The following TSSK4 variants were observed in gnomAD, a reference collection of about 807,000 sequenced individuals.
TSSK4 encodes the protein testis-specific serine/threonine-protein kinase 4.
A neutral mutation model predicts 28.5 loss-of-function variants in TSSK4; 22 were observed. That is an observed-to-expected ratio of 0.77 (90% CI 0.55 to 1.10). The LOEUF (loss-of-function observed/expected upper bound fraction) is 1.10, where lower values mean the gene tolerates loss of function less well. Ranked by LOEUF, TSSK4 falls within the 50% of genes least tolerant of loss-of-function variation. The pLI is 0.00. For synonymous variants in TSSK4, 151 were observed against 158.3 expected (o/e 0.95, Z 0.35); for missense variants, 329 against 415.4 (o/e 0.79, Z 1.81).
chr14:24,208,248 A>G lies in TSSK4; in HGVS notation c.*102A>G, dbSNP rs2039556448. ...ATCTAAGTCTGATTTAGTTTCATCAACTAGGGTCAAAGACATTCTTTTCTC... is the reference window on the plus strand; with the variant it reads ...ATCTAAGTCTGATTTAGTTTCATCAGCTAGGGTCAAAGACATTCTTTTCTC... On this transcript the variant is annotated 3_prime_UTR_variant, in exon 4 of 4. Coordinates refer to ENST00000339917, the MANE Select transcript of TSSK4 (RefSeq NM_001184739.2). 7.2e-7 allele frequency: 1 copy of G among 1,389,092 alleles called. No homozygotes were observed. The highest frequency in any genetic ancestry group is 2.8e-5 in the Admixed American group (1 of 35,432). 86.0% of individuals were successfully genotyped at this position (1,389,092 alleles called of 1,614,324 possible). A position where few individuals can be genotyped will look rare whatever the true frequency, so the allele number is the denominator to read the frequency against.
rs891952986 is a variant in TSSK4, at chr14:24,207,563, T to C, written c.834+54T>C. On this transcript the variant is annotated intron_variant, in intron 3 of 3. Transcript: ENST00000339917. ...TTCAGGGATGACCCACAGGGAGGGG[T>C]GAATATCCAACCTAGGTCACCCAAC... is the stretch of plus-strand genomic sequence containing the variant. 8 of 1,537,802 alleles carry C rather than the reference T, an allele frequency of 5.2e-6. No homozygotes were observed. The East Asian group carries it at 1.8e-4, about 35-fold the overall frequency.
chr14:24,207,128 C>A lies in TSSK4; in HGVS notation c.453C>A (p.Ser151Arg). Reference protein sequence around the residue: ...SKSIVHRLMPSLSAAGRDLKL... With the variant: ...SKSIVHRLMPRLSAAGRDLKL... ...GCCCTCTCCCCAGCCTGATGCCCAG[C>A]CTTTCTGCTGCTGGTAGGGACTTAA... The change falls in exon 3 of 4, where the codon AGC becomes AGA. Residue 151 changes from serine to arginine, a missense_variant. Ser to Arg is a moderately radical substitution (Grantham distance 110). Coordinates refer to ENST00000339917, the MANE Select transcript of TSSK4 (RefSeq NM_001184739.2). The A allele has an allele frequency of 6.2e-7, 1 of 1,607,592 alleles. No homozygotes were observed. Among genetic ancestry groups the A allele is most frequent in the African/African-American group, 1.3e-5 (1 of 75,026 alleles).
At chr14:24,206,982 C>G (rs1263299878) in intron 2 of TSSK4, 134 bp from the exon 3 acceptor site, 37 of 1,309,260 alleles carry the variant, frequency 2.8e-5, no homozygotes, top group Non-Finnish European at 4.0e-5. Flanking sequence ...GCTCTGCTCA[C>G]AACTCCATGG....
At position 24,208,098 on chromosome 14, in the gene TSSK4, G is replaced by A. The variant is rs1289955421; in HGVS notation, c.969G>A (p.Gln323=). The change falls in exon 4 of 4, where the codon CAG becomes CAA. Residue 323 remains glutamine, a synonymous_variant. Coordinates refer to ENST00000339917, the MANE Select transcript of TSSK4 (RefSeq NM_001184739.2). ...TCAGGCTGCTTGAGGCCATGTGCCAGCTCCACAACACCACTAAACAGCACC... is the reference window on the plus strand; with the variant it reads ...TCAGGCTGCTTGAGGCCATGTGCCAACTCCACAACACCACTAAACAGCACC... The part of the protein sequence containing the change: ...HEIRLLEAMC[Q]LHNTTKQHQS... 6.2e-7 allele frequency: 1 copy of A among 1,614,076 alleles called. No individual in the cohort carries two copies. The highest frequency in any genetic ancestry group is 8.5e-7 in the Non-Finnish European group (1 of 1,179,978).
At chr14:24,206,482 T>C in intron 1 of TSSK4, 27 bp from the exon 2 acceptor site, 1 of 1,613,398 alleles carries the variant, frequency 6.2e-7, no homozygotes. Flanking sequence ...CCTTCCCAGG[T>C]TTGATGGGTC....
chr14:24,207,985 C>G lies in TSSK4; in HGVS notation c.856C>G (p.Arg286Gly). 9 of 1,614,208 alleles carry G rather than the reference C, an allele frequency of 5.6e-6. No individual in the cohort carries two copies. The highest frequency in any genetic ancestry group is 7.6e-6 in the Non-Finnish European group (9 of 1,180,028). Residue 286 changes from arginine (R) to glycine (G), a missense_variant, in exon 4 of 4, where the codon CGC (arginine) becomes GGC (glycine). Coordinates refer to ENST00000339917, the MANE Select transcript of TSSK4 (RefSeq NM_001184739.2). The stretch of plus-strand genomic sequence containing the variant: ...CTAGAACCTGATCCTCCAGATGCTA[C>G]GCCAAGCCACTAAGCGTGCCACCAT... ...ECKNLILQMLRQATKRATILD... is the reference protein window; with the variant it reads ...ECKNLILQMLGQATKRATILD...
intron 3 of TSSK4, among the ~76,000 whole-genome samples, chr14:24,207,716 T>C (rs2039545760): frequency 6.6e-6 from 1 of 152,224 alleles, no homozygotes; most frequent in South Asian, 2.1e-4. Flanking sequence ...CCTTGCCTGA[T>C]ACACAGGTTC....
At position 24,206,091 on chromosome 14, in the gene TSSK4, C is replaced by G. The variant is rs2039512298; in HGVS notation, c.168C>G (p.Ile56Met). 1.9e-6 allele frequency: 3 copies of G among 1,614,188 alleles called. No homozygotes were observed. Among genetic ancestry groups the G allele is most frequent in the Non-Finnish European group, 1.7e-6 (2 of 1,180,042 alleles). Residue 56 changes from isoleucine to methionine, a missense_variant, in exon 1 of 4, where the codon ATC becomes ATG. By Grantham distance (10) the Ile-to-Met change is conservative. Transcript: ENST00000339917. ...AGGTTATGGTGGCAGTCAAGATCAT[C>G]TCAAAGAAGAAGGCCTCTGATGACT... is the stretch of plus-strand genomic sequence containing the variant. ...KQKVMVAVKIISKKKASDDYL... is the reference protein window; with the variant it reads ...KQKVMVAVKIMSKKKASDDYL...
chr14:24,207,903 C>T lies in TSSK4; in HGVS notation c.835-61C>T, dbSNP rs764136826. The T allele has an allele frequency of 9.3e-6, 15 of 1,612,812 alleles. No homozygotes were observed. The South Asian group carries it at 1.7e-4, about 18-fold the overall frequency. Reference sequence around the variant, plus strand: ...TGCTTCTTTCTTAGGTCCAACTGCTCATTGCCTGTGTGGCACAATGGAGAA... The same window carrying T: ...TGCTTCTTTCTTAGGTCCAACTGCTTATTGCCTGTGTGGCACAATGGAGAA... On this transcript the variant is annotated intron_variant, in intron 3 of 3. Coordinates refer to ENST00000339917, the MANE Select transcript of TSSK4 (RefSeq NM_001184739.2).
Position 24,206,159 on chromosome 14 carries a change from G to A in TSSK4, c.225+11G>A. The stretch of plus-strand genomic sequence containing the variant: ...CCCCGTGAAATACAGGTTGGAAAGG[G>A]GGCTGGAAGAGGGAACTGGAGCTTG... On this transcript the variant is annotated intron_variant, in intron 1 of 3. Coordinates refer to ENST00000339917, the MANE Select transcript of TSSK4 (RefSeq NM_001184739.2). The A allele has an allele frequency of 6.2e-7, 1 of 1,613,450 alleles. No homozygotes were observed. Among genetic ancestry groups the A allele is most frequent in the Non-Finnish European group, 8.5e-7 (1 of 1,179,502 alleles).
rs1594465638 is a variant in TSSK4, at chr14:24,207,232, A to C, written c.557A>C (p.Asn186Thr). 2 of 1,614,192 alleles carry C rather than the reference A, an allele frequency of 1.2e-6. No individual in the cohort carries two copies. Among genetic ancestry groups the C allele is most frequent in the Admixed American group, 1.7e-5 (1 of 60,020 alleles). ...DFGFAKMVPSNQPVGCSPSYR... is the reference protein window; with the variant it reads ...DFGFAKMVPSTQPVGCSPSYR... ...GGCTTTGCCAAGATGGTGCCTTCTA[A>C]CCAGCCTGTGGGTTGTAGCCCTTCT... is the stretch of plus-strand genomic sequence containing the variant. The change falls in exon 3 of 4, where the codon AAC (asparagine) becomes ACC (threonine). Residue 186 changes from asparagine to threonine, a missense_variant. Asn to Thr is a moderately conservative substitution (Grantham distance 65, BLOSUM62 0). This residue lies in a region of TSSK4 where 15 missense variants were observed against 41.2 expected (regional missense o/e 0.36). Coordinates refer to ENST00000339917, the MANE Select transcript of TSSK4 (RefSeq NM_001184739.2).
In TSSK4 at chr14:24,207,377, C is replaced by A; in HGVS notation, c.702C>A (p.Ser234Arg). ...ACCCTTTCCTGTCTGACACCTGGAG[C>A]ATGGGCGTCATCCTTTACACTCTAG... ...PYNPFLSDTW[S>R]MGVILYTLVV... The change falls in exon 3 of 4, where the codon AGC becomes AGA. Residue 234 changes from serine (S) to arginine (R), a missense_variant. Ser to Arg is a moderately radical substitution (Grantham distance 110). Coordinates refer to ENST00000339917, the MANE Select transcript of TSSK4 (RefSeq NM_001184739.2). 6.2e-7 allele frequency: 1 copy of A among 1,614,188 alleles called. No individual in the cohort carries two copies. The highest frequency in any genetic ancestry group is 8.5e-7 in the Non-Finnish European group (1 of 1,180,052).
chr14:24,208,117 C>T lies in TSSK4; in HGVS notation c.988C>T (p.Gln330Ter), dbSNP rs758901875. ...GTGCCAGCTCCACAACACCACTAAA[C>T]AGCACCAATCCTTGCAAATTACGAC... is the stretch of plus-strand genomic sequence containing the variant. Reference protein sequence around the residue: ...AMCQLHNTTKQHQSLQITT With the variant: ...AMCQLHNTTK Residue 330 changes from glutamine (Q) to a stop codon, truncating the protein, a stop_gained, in exon 4 of 4, where the codon CAG becomes TAG. Transcript: ENST00000339917. LOFTEE classifies it high-confidence loss of function. 1.7e-5 allele frequency: 28 copies of T among 1,607,488 alleles called. No individual in the cohort carries two copies. The highest frequency in any genetic ancestry group is 2.3e-5 in the Non-Finnish European group (27 of 1,174,826).
chr14:24,206,720 A>G lies in TSSK4; in HGVS notation c.437A>G (p.His146Arg), dbSNP rs757541607. ...IAYLHSKSIV[H>R]RLMPSLSAAG... Reference sequence around the variant, plus strand: ...TACCTGCACAGCAAGAGCATCGTGCACCGGTGAGGGCGCTGCCACCCAGAC... The same window carrying G: ...TACCTGCACAGCAAGAGCATCGTGCGCCGGTGAGGGCGCTGCCACCCAGAC... Residue 146 changes from histidine to arginine, a missense_variant, in exon 2 of 4, where the codon CAC becomes CGC. Around this residue, in one of 3 missense-constraint regions of TSSK4, gnomAD observed 175 missense variants for 196.0 expected, o/e 0.89. Transcript: ENST00000339917. 27 of 1,613,302 alleles carry G rather than the reference A, an allele frequency of 1.7e-5. No individual in the cohort carries two copies. Among genetic ancestry groups the G allele is most frequent in the Non-Finnish European group, 2.2e-5 (26 of 1,179,992 alleles).
Position 24,207,141 on chromosome 14 carries a change from G to T in TSSK4, c.466G>T (p.Gly156Cys), listed in dbSNP as rs1228922499. 1 of 1,609,730 alleles carries T rather than the reference G, an allele frequency of 6.2e-7. No individual in the cohort carries two copies. Among genetic ancestry groups the T allele is most frequent in the Admixed American group, 1.7e-5 (1 of 60,016 alleles). Residue 156 changes from glycine (G) to cysteine (C), a missense_variant, in exon 3 of 4, where the codon GGT becomes TGT. Gly to Cys is a radical substitution (Grantham distance 159, BLOSUM62 -3). Around this residue, in one of 3 missense-constraint regions of TSSK4, gnomAD observed 175 missense variants for 196.0 expected, o/e 0.89. Transcript: ENST00000339917. Reference protein sequence around the residue: ...HRLMPSLSAAGRDLKLENLLL... With the variant: ...HRLMPSLSAACRDLKLENLLL... ...CCTGATGCCCAGCCTTTCTGCTGCT[G>T]GTAGGGACTTAAAGTTGGAGAACCT...
In TSSK4 at chr14:24,208,041, C is replaced by G. The variant is rs1184830621; in HGVS notation, c.912C>G (p.Leu304=). ...ILDIIKDSWV[L]KFQPEQPTHE... ...ACATCATCAAGGATTCCTGGGTGCT[C>G]AAGTTCCAGCCTGAGCAACCCACCC... Residue 304 remains leucine, a synonymous_variant, in exon 4 of 4, where the codon CTC becomes CTG. Coordinates refer to ENST00000339917, the MANE Select transcript of TSSK4 (RefSeq NM_001184739.2). The G allele has an allele frequency of 1.1e-5, 18 of 1,614,090 alleles. No homozygotes were observed. Among genetic ancestry groups the G allele is most frequent in the Non-Finnish European group, 1.4e-5 (17 of 1,180,046 alleles).
chr14:24,206,954 T>C lies in TSSK4; in HGVS notation c.441-162T>C, dbSNP rs921137238. ...GGTGGTCCTCAGATACCATCCTCTGTCTCTCTCCCTACTTTGGGCTCTGCT... is the reference window on the plus strand; with the variant it reads ...GGTGGTCCTCAGATACCATCCTCTGCCTCTCTCCCTACTTTGGGCTCTGCT... On this transcript the variant is annotated intron_variant, in intron 2 of 3. Coordinates refer to ENST00000339917, the MANE Select transcript of TSSK4 (RefSeq NM_001184739.2). 9.3e-6 allele frequency: 10 copies of C among 1,073,130 alleles called. No individual in the cohort carries two copies. In the African/African-American group the frequency reaches 1.4e-4, roughly 15 times the overall value. 66.5% of individuals were successfully genotyped at this position (1,073,130 alleles called of 1,614,324 possible).
In TSSK4 at chr14:24,205,839, C is replaced by A; in HGVS notation, c.-85C>A. 2 of 1,055,654 alleles carry A rather than the reference C, an allele frequency of 1.9e-6. No individual in the cohort carries two copies. The highest frequency in any genetic ancestry group is 2.9e-6 in the Non-Finnish European group (2 of 685,094). The allele number at this position is 1,055,654 out of a possible 1,614,324, so 65.4% of individuals were successfully genotyped here. A position where few individuals can be genotyped will look rare whatever the true frequency, so the allele number is the denominator to read the frequency against. ...TGGGGACCTACTTCACTTTGATACC[C>A]TAGCCTTCAGCAGCTCAAGGTGTTG... On this transcript the variant is annotated 5_prime_UTR_variant, in exon 1 of 4. Transcript: ENST00000339917.
intron 2 of TSSK4, 40 bp from the exon 3 acceptor site, chr14:24,207,076 G>A: frequency 1.3e-6 from 2 of 1,599,758 alleles, no homozygotes; most frequent in Non-Finnish European, 1.7e-6. Flanking sequence ...CTGACCCCTG[G>A]CCCTTCAGCT....
Sources: allele counts gnomAD v4.1 joint callset (sites outside exome capture counted in the v4.1 genomes callset), GRCh38; gene constraint gnomAD v4.1.1; regional missense constraint gnomAD v4.1.1; transcripts MANE v1.5; gene names NCBI Gene and HGNC (gene_info 2026-07-23, HGNC 2026-07-21).